ARAP2: variants seen among roughly 807,000 people sequenced by gnomAD.
ARAP2 encodes ArfGAP with RhoGAP domain, ankyrin repeat and PH domain 2, also known as arf-GAP with Rho-GAP domain, ANK repeat and PH domain-containing protein 2.
In ARAP2, 148 loss-of-function variants were observed where a neutral mutation model predicts 194.5. The observed-to-expected ratio is 0.76, with a 90% CI of 0.67 to 0.87. ARAP2 has a LOEUF of 0.87. Ranked by LOEUF, ARAP2 falls within the 40% of genes least tolerant of loss-of-function variation. The pLI, the probability that ARAP2 is intolerant of heterozygous loss-of-function variation, is 0.00. For missense variants in ARAP2, 2,128 were observed against 1,989.7 expected (o/e 1.07, Z -1.32); for synonymous variants, 695 against 683.5 (o/e 1.02, Z -0.26).
chr4:36,234,280 G>A (rs1487926908), intron 1 of ARAP2, among the ~76,000 whole-genome samples: 1 of 152,208 alleles, frequency 6.6e-6, no homozygotes, highest in African/African-American at 2.4e-5. Context: ...AGACATCATA[G>A]ATAATGCCTT....
At chr4:36,014,261 GAAAGAAAGAA>G (rs1715185125) in intron 8 of ARAP2, among the ~76,000 whole-genome samples, 22 of 136,310 alleles carry the variant, frequency 1.6e-4, no homozygotes. Context: ...AAGAAAGAAA[GAAAGAAAGAA>G]AGAAAGAAAG....
chr4:36,209,283 C>T, intron 6 of ARAP2: 1 of 401,686 alleles, frequency 2.5e-6, no homozygotes, highest in Non-Finnish European at 4.9e-6. Flanking sequence ...TCTGAATATG[C>T]ACTTACCAAT....
chr4:36,124,816 G>T, intron 22 of ARAP2, 46 bp downstream of exon 22: 1 of 1,158,250 alleles, frequency 8.6e-7, no homozygotes, highest in Non-Finnish European at 1.3e-6. Flanking sequence ...ATGACTTATT[G>T]AGTGCTGTGT....
intron 13 of ARAP2, chr4:36,159,738 T>C: frequency 3.1e-6 from 1 of 324,636 alleles, no homozygotes; most frequent in East Asian, 5.2e-5. Context: ...TTGGTTGCTA[T>C]GATGTTCCTT....
rs888620029 is a variant in ARAP2 at position 36,228,453 on chromosome 4, G to T, written c.905+129C>A. The T allele has an allele frequency of 1.9e-5, 18 of 964,928 alleles. No individual in the cohort carries two copies. The Admixed American group carries it at 3.3e-4, about 18-fold the overall frequency. The allele number at this position is 964,928 out of a possible 1,614,324, so 59.8% of individuals were successfully genotyped here. ...TGGGATGAAGACTTTTTTTTTAAAAGAAAAGGTTGGTTGAATAGGTAAATG... is the reference window on the plus strand; with the variant it reads ...TGGGATGAAGACTTTTTTTTTAAAATAAAAGGTTGGTTGAATAGGTAAATG... On this transcript the variant is annotated intron_variant, in intron 2 of 32. Transcript: ENST00000303965.
intron 5 of ARAP2, among the ~76,000 whole-genome samples, chr4:36,022,072 C>G (rs376956707): frequency 1.3e-5 from 2 of 152,190 alleles, no homozygotes; most frequent in East Asian, 3.9e-4. Context: ...TCTAAACCTA[C>G]GTAAACATAG....
chr4:36,147,642 G>T lies in ARAP2; in HGVS notation c.3105C>A (p.Gly1035=). 1.2e-6 allele frequency: 2 copies of T among 1,613,576 alleles called. No homozygotes were observed. Among genetic ancestry groups the T allele is most frequent in the Non-Finnish European group, 1.7e-6 (2 of 1,179,690 alleles). The change falls in exon 18 of 33, where the codon GGC becomes GGA. Residue 1035 remains glycine, a synonymous_variant. Coordinates refer to ENST00000303965, the MANE Select transcript of ARAP2 (RefSeq NM_015230.4). ...DCHALDQWRK[G]WFAMDKSSLH... ...AGCTGGATTTGTCCATAGCAAACCA[G>T]CCTTTTCTCCACTGATCCAGGGCAT...
chr4:36,183,104 T>C (rs1739661015), intron 8 of ARAP2, among the ~76,000 whole-genome samples: 1 of 152,096 alleles, frequency 6.6e-6, no homozygotes, highest in Admixed American at 6.6e-5. Context: ...CAGAATATCA[T>C]AATGAAGTCT....
chr4:36,223,936 A>C (rs1472560537), intron 2 of ARAP2, among the ~76,000 whole-genome samples: 1 of 152,172 alleles, frequency 6.6e-6, no homozygotes, highest in African/African-American at 2.4e-5. Flanking sequence ...AGACAAAGAC[A>C]ACTATCATTG....
intron 6 of ARAP2, among the ~76,000 whole-genome samples, chr4:36,016,718 AAT>A (rs1157160674): frequency 6.6e-6 from 1 of 152,160 alleles, no homozygotes; most frequent in Non-Finnish European, 1.5e-5. Context: ...TTACGTTAAA[AAT>A]ATATTATTTC....
chr4:36,198,397 C>T (rs1001963717), intron 6 of ARAP2, among the ~76,000 whole-genome samples: 1 of 152,226 alleles, frequency 6.6e-6, no homozygotes, highest in Non-Finnish European at 1.5e-5. Context: ...GACTAGCCGG[C>T]CCCTAACCTT....
At chr4:36,053,421 C>T (rs1577672040) in intron 2 of ARAP2, among the ~76,000 whole-genome samples, 1 of 152,028 alleles carries the variant, frequency 6.6e-6, no homozygotes, top group African/African-American at 2.4e-5. Context: ...AAACTTCTAC[C>T]AAAATATAGA....
intron 6 of ARAP2, among the ~76,000 whole-genome samples, chr4:36,197,435 A>G (rs1743365125): frequency 6.6e-6 from 1 of 152,278 alleles, no homozygotes; most frequent in Non-Finnish European, 1.5e-5. Context: ...TTTTGCAAAT[A>G]TTAAAAACCA....
intron 6 of ARAP2, among the ~76,000 whole-genome samples, chr4:36,198,927 C>T (rs1026708528): frequency 1.3e-5 from 2 of 152,126 alleles, no homozygotes; most frequent in Non-Finnish European, 2.9e-5. Flanking sequence ...CTCATAGCCA[C>T]AACTTGGGCA....
intron 19 of ARAP2, among the ~76,000 whole-genome samples, chr4:36,136,922 ACGCG>A (rs964321133): frequency 1.7e-4 from 5 of 29,116 alleles, no homozygotes; most frequent in African/African-American, 8.0e-4. Context: ...ACACACATAC[ACGCG>A]CGCGCGCACA....
In ARAP2 at chr4:36,107,712, A is replaced by T; in HGVS notation, c.4157-19T>A. 6.3e-7 allele frequency: 1 copy of T among 1,575,406 alleles called. No homozygotes were observed. ...GGACGCTCTGTAAAAAATAAATTCC[A>T]AATCAAATGGAAAATATATGAGGAT... On this transcript the variant is annotated intron_variant, in intron 26 of 32. Coordinates refer to ENST00000303965, the MANE Select transcript of ARAP2 (RefSeq NM_015230.4).
chr4:36,016,698 T>A (rs1715868220), intron 6 of ARAP2, among the ~76,000 whole-genome samples: 1 of 152,204 alleles, frequency 6.6e-6, no homozygotes, highest in South Asian at 2.1e-4. Context: ...TTTTATACCA[T>A]GATCATGCGT....
At chr4:36,112,845 G>C (rs780400615) in intron 26 of ARAP2, among the ~76,000 whole-genome samples, 5 of 151,846 alleles carry the variant, frequency 3.3e-5, no homozygotes, top group Non-Finnish European at 5.9e-5. Flanking sequence ...GTGTGAGCCA[G>C]ATGGAGGAAG....
At chr4:36,204,172 A>G (rs974989207) in intron 6 of ARAP2, among the ~76,000 whole-genome samples, 1 of 152,210 alleles carries the variant, frequency 6.6e-6, no homozygotes, top group African/African-American at 2.4e-5. Flanking sequence ...TCTAGAAAGA[A>G]GAAAAGTAAT....
Sources: allele counts gnomAD v4.1 joint callset (sites outside exome capture counted in the v4.1 genomes callset), GRCh38; gene constraint gnomAD v4.1.1; transcripts MANE v1.5; gene names NCBI Gene and HGNC (gene_info 2026-07-23, HGNC 2026-07-21).